Variants in TMC1 observed in about 807,000 individuals in gnomAD.
TMC1 encodes transmembrane channel like 1.
TMC1 carries 84 observed loss-of-function variants against 105.8 expected under a neutral mutation model. That is an observed-to-expected ratio of 0.79 (90% CI 0.67 to 0.95). The LOEUF is 0.95. Among genes scored for constraint, TMC1 ranks in the 40% least tolerant of loss-of-function variants. TMC1 has a pLI of 0.00. For synonymous variants in TMC1, 315 were observed against 311.5 expected (o/e 1.01, Z -0.12); for missense variants, 817 against 914.1 (o/e 0.89, Z 1.37).
chr9:72,738,929 C>G (rs1302047851), intron 8 of TMC1, among the ~76,000 whole-genome samples: 1 of 152,002 alleles, frequency 6.6e-6, no homozygotes, highest in Non-Finnish European at 1.5e-5. Context: ...TCTGCAGCCC[C>G]CGAGAGCTGA....
At chr9:72,547,960 G>T (rs1452382943) in intron 1 of TMC1, among the ~76,000 whole-genome samples, 2 of 152,172 alleles carry the variant, frequency 1.3e-5, no homozygotes, top group Non-Finnish European at 2.9e-5. Flanking sequence ...CCGTCTTCTT[G>T]TTCTATCCTC....
rs553230585 is a variant in TMC1 at position 72,546,028 on chromosome 9, A to G, written c.-428+24115A>G. 2.0e-5 allele frequency among the ~76,000 whole-genome samples: 3 copies of G among 151,776 alleles called. No individual in the cohort carries two copies. In the East Asian group the frequency reaches 5.8e-4, roughly 30 times the overall value. On this transcript the variant is annotated intron_variant, in intron 1 of 23. Coordinates refer to ENST00000297784, the MANE Select transcript of TMC1 (RefSeq NM_138691.3). ...CTGGGTGCAGTGGCTCACAACTGTA[A>G]TCCCACCACTTTGGGAGGCCGAGGT...
chr9:72,645,269 A>G (rs1825691644), intron 4 of TMC1, among the ~76,000 whole-genome samples: 2 of 152,182 alleles, frequency 1.3e-5, no homozygotes, highest in Non-Finnish European at 2.9e-5. Flanking sequence ...TTTCCACTCT[A>G]TGGGTGCCAA....
intron 5 of TMC1, among the ~76,000 whole-genome samples, chr9:72,673,433 C>T (rs980868351): frequency 6.6e-6 from 1 of 152,030 alleles, no homozygotes; most frequent in Non-Finnish European, 1.5e-5. Flanking sequence ...TTATACAGAT[C>T]AGTAAGATTG....
chr9:72,701,319 A>G (rs4579593), intron 8 of TMC1, among the ~76,000 whole-genome samples: 13,145 of 152,272 alleles, frequency 0.086, 612 homozygotes, highest in African/African-American at 0.1. Flanking sequence ...CAGTCAGAGC[A>G]CACAGATTTA....
At chr9:72,694,021 A>G (rs1198529134) in intron 6 of TMC1, among the ~76,000 whole-genome samples, 1 of 152,214 alleles carries the variant, frequency 6.6e-6, no homozygotes, top group East Asian at 1.9e-4. Flanking sequence ...AGAATCAAGA[A>G]TGAAGAAAAT....
intron 12 of TMC1, among the ~76,000 whole-genome samples, chr9:72,769,483 C>T (rs1365399358): frequency 6.6e-6 from 1 of 152,200 alleles, no homozygotes; most frequent in Non-Finnish European, 1.5e-5. Flanking sequence ...CATGTTCCCT[C>T]TCAAGAGAAG....
Position 72,628,068 on chromosome 9 carries a change from T to C in TMC1, c.-53+5T>C, listed in dbSNP as rs1235765405. On this transcript the variant is annotated splice_donor_5th_base_variant and intron_variant, in intron 4 of 23. Transcript: ENST00000297784. The stretch of plus-strand genomic sequence containing the variant: ...TAAGGAGCTGCAGAAGGGAAGGTAG[T>C]GAGGAGACAGTTAAATATTGAGCAC... 2.2e-6 allele frequency: 1 copy of C among 455,774 alleles called. No homozygotes were observed. Among genetic ancestry groups the C allele is most frequent in the Admixed American group, 2.3e-5 (1 of 42,574 alleles). The allele number at this position is 455,774 out of a possible 1,614,324, so 28.2% of individuals were successfully genotyped here. A position where few individuals can be genotyped will look rare whatever the true frequency, so the allele number is the denominator to read the frequency against.
intron 18 of TMC1, among the ~76,000 whole-genome samples, chr9:72,813,635 T>C (rs1019760898): frequency 2.0e-5 from 3 of 152,222 alleles, no homozygotes; most frequent in Admixed American, 2.0e-4. Context: ...TCATAGATAA[T>C]ATATAAATGA....
Position 72,700,743 on chromosome 9 carries a change from T to C in TMC1, c.362+100T>C, listed in dbSNP as rs7046504. On this transcript the variant is annotated intron_variant, in intron 8 of 23. Transcript: ENST00000297784. ...ATATATATATATATATATATATATA[T>C]ACACACACACACACACATACACACA... is the stretch of plus-strand genomic sequence containing the variant. The C allele has an allele frequency of 0.34, 46,208 of 134,016 alleles. 3,973 individuals carry two copies. Among genetic ancestry groups the C allele is most frequent in the Middle Eastern group, 0.4 (137 of 344 alleles). The allele number at this position is 134,016 out of a possible 1,614,324, so 8.3% of individuals were successfully genotyped here.
At chr9:72,661,494 T>C (rs185332251) in intron 5 of TMC1, among the ~76,000 whole-genome samples, 2 of 152,346 alleles carry the variant, frequency 1.3e-5, no homozygotes, top group African/African-American at 2.4e-5. Context: ...ATCACTCTGC[T>C]CATTCTTCAA....
intron 1 of TMC1, among the ~76,000 whole-genome samples, chr9:72,530,068 T>C (rs917243387): frequency 2.0e-5 from 3 of 152,138 alleles, no homozygotes; most frequent in African/African-American, 7.2e-5. Flanking sequence ...GGAATATCAT[T>C]ATAGTGTATC....
At chr9:72,790,584 A>G (rs1464378540) in intron 15 of TMC1, among the ~76,000 whole-genome samples, 15 of 152,274 alleles carry the variant, frequency 9.9e-5, no homozygotes, top group Admixed American at 7.2e-4. Context: ...TTTTGTATAA[A>G]TAAACCATAT....
chr9:72,643,433 C>T (rs1825659051), intron 4 of TMC1, among the ~76,000 whole-genome samples: 1 of 152,176 alleles, frequency 6.6e-6, no homozygotes, highest in South Asian at 2.1e-4. Context: ...TCAACACTTT[C>T]AAGGTAATAA....
Position 72,836,135 on chromosome 9 carries a change from C to A in TMC1, c.*162C>A. 1 of 793,046 alleles carries A rather than the reference C, an allele frequency of 1.3e-6. No individual in the cohort carries two copies. The allele number at this position is 793,046 out of a possible 1,614,324, so 49.1% of individuals were successfully genotyped here. On this transcript the variant is annotated 3_prime_UTR_variant, in exon 24 of 24. Transcript: ENST00000297784. ...CTGGCCAATTAAGGCATCATCAGTC[C>A]TACCTGAGCAACAAGAATCTAAACT... is the stretch of plus-strand genomic sequence containing the variant.
chr9:72,569,292 A>T (rs1221873689), intron 1 of TMC1, among the ~76,000 whole-genome samples: 2 of 152,172 alleles, frequency 1.3e-5, no homozygotes, highest in Non-Finnish European at 2.9e-5. Flanking sequence ...TTCAGTACAG[A>T]TGCAACTTTT....
chr9:72,725,713 C>T (rs137956130), intron 8 of TMC1, among the ~76,000 whole-genome samples: 133 of 151,786 alleles, frequency 8.8e-4, no homozygotes, highest in African/African-American at 3.2e-3. Flanking sequence ...TTTTTTGAGA[C>T]GGAGTCTGGC....
At chr9:72,651,728 G>T (rs969360900) in intron 5 of TMC1, 5 of 152,212 alleles carry the variant, frequency 3.3e-5, no homozygotes, top group African/African-American at 1.2e-4. Context: ...GACTTGGTCA[G>T]TTGAGTAGAA....
intron 3 of TMC1, among the ~76,000 whole-genome samples, chr9:72,619,655 T>C (rs746191781): frequency 6.6e-6 from 1 of 151,766 alleles, no homozygotes; most frequent in African/African-American, 2.4e-5. Flanking sequence ...TTAACTAGTA[T>C]TTACTAAACA....
Sources: gnomAD v4.1 joint callset for allele counts (sites outside exome capture counted in the v4.1 genomes callset) on GRCh38, gnomAD v4.1.1 for gene constraint, MANE v1.5 for transcripts, NCBI Gene and HGNC (gene_info 2026-07-23, HGNC 2026-07-21) for gene names.